The following ERMP1 variants were observed in gnomAD, a reference collection of about 807,000 sequenced individuals.
The protein encoded by ERMP1 is endoplasmic reticulum metallopeptidase 1.
Under a neutral mutation model 92.0 loss-of-function variants are expected in ERMP1, and 86 were observed. The ratio of observed to expected loss-of-function variants is 0.93; its 90% confidence interval spans 0.79 to 1.12. The LOEUF is 1.12. Ranked by LOEUF, ERMP1 falls within the 50% of genes most tolerant of loss-of-function variation. The pLI is 0.00. For synonymous variants in ERMP1, 530 were observed against 412.8 expected (o/e 1.28, Z -3.44); for missense variants, 1,342 against 1,116.3 (o/e 1.20, Z -2.88).
intron 4 of ERMP1, among the ~76,000 whole-genome samples, chr9:5,818,988 C>G (rs1201558553): frequency 2.0e-5 from 3 of 152,106 alleles, no homozygotes; most frequent in African/African-American, 7.2e-5. Flanking sequence ...TGCATTTATT[C>G]TCAAATAAAA....
At chr9:5,845,238 A>G (rs1158151886) in intron 6 of ERMP1, among the ~76,000 whole-genome samples, 3 of 151,202 alleles carry the variant, frequency 2.0e-5, no homozygotes, top group African/African-American at 7.3e-5. Context: ...TGTGACTCTG[A>G]GAGGATTTGA....
At chr9:5,809,021 T>C (rs1398622404) in intron 8 of ERMP1, among the ~76,000 whole-genome samples, 1 of 150,684 alleles carries the variant, frequency 6.6e-6, no homozygotes, top group African/African-American at 2.5e-5. Context: ...ACCCAGCCCA[T>C]AGCCCTAATT....
rs1486166289 is a variant in ERMP1 at position 5,784,597 on chromosome 9, C to CTGTTCAGTA, written c.*2546_*2547insTACTGAACA. The CTGTTCAGTA allele has an allele frequency of 1.3e-5, 2 of 152,586 alleles. No individual in the cohort carries two copies. Among genetic ancestry groups the CTGTTCAGTA allele is most frequent in the East Asian group, 3.9e-4 (2 of 5,190 alleles). The allele number at this position is 152,586 out of a possible 1,614,324, so 9.5% of individuals were successfully genotyped here. A position where few individuals can be genotyped will look rare whatever the true frequency, so the allele number is the denominator to read the frequency against. On this transcript the variant is annotated 3_prime_UTR_variant, in exon 15 of 15. Transcript: ENST00000339450. The stretch of plus-strand genomic sequence containing the variant: ...TATATTAAACAGTTTATTTCAGTAA[C>CTGTTCAGTA]ATTGTAAGGCAACAATTAATCCTCA...
chr9:5,839,370 T>A (rs1394677442), intron 6 of ERMP1, among the ~76,000 whole-genome samples: 1 of 152,192 alleles, frequency 6.6e-6, no homozygotes, highest in East Asian at 1.9e-4. Flanking sequence ...GAAGAACCCA[T>A]GAACCCGGAA....
intron 3 of ERMP1, 33 bp from the exon 4 acceptor site, chr9:5,824,034 T>C: frequency 6.6e-7 from 1 of 1,524,794 alleles, no homozygotes. Flanking sequence ...AAATATTTGT[T>C]AAACAATCTT....
chr9:5,805,792 G>C lies in ERMP1; in HGVS notation c.1549-7C>G. ...GATACTGGGCACTGGCATTCTGAAA[G>C]AAAGAAAAATATACAAGTAGTCTCA... On this transcript the variant is annotated splice_region_variant and splice_polypyrimidine_tract_variant and intron_variant, in intron 8 of 14. Coordinates refer to ENST00000339450, the MANE Select transcript of ERMP1 (RefSeq NM_024896.3). 6.3e-7 allele frequency: 1 copy of C among 1,586,288 alleles called. No individual in the cohort carries two copies. The highest frequency in any genetic ancestry group is 8.5e-7 in the Non-Finnish European group (1 of 1,170,056).
chr9:5,861,170 G>GGTGTGTGTGTGTGTGTGTGT (rs35593711), intron 5 of ERMP1, among the ~76,000 whole-genome samples: 2 of 102,078 alleles, frequency 2.0e-5, no homozygotes, highest in African/African-American at 3.6e-5. Context: ...TGGCTTAGGG[G>GGTGTGTGTGTGTGTGTGTGT]GTGTGTGTGT....
intron 13 of ERMP1, among the ~76,000 whole-genome samples, chr9:5,795,840 A>G (rs1828403633): frequency 6.6e-6 from 1 of 152,106 alleles, no homozygotes; most frequent in South Asian, 2.1e-4. Context: ...AACAAAAACA[A>G]AAACAAAAAC....
chr9:5,835,639 G>A (rs150197602), upstream of ERMP1, among the ~76,000 whole-genome samples: 143 of 152,272 alleles, frequency 9.4e-4, no homozygotes, highest in African/African-American at 3.4e-3. Context: ...AGGAGCCCTG[G>A]TAGATGTGAG....
At chr9:5,865,289 G>A (rs1346453962) in intron 5 of ERMP1, among the ~76,000 whole-genome samples, 1 of 147,700 alleles carries the variant, frequency 6.8e-6, no homozygotes, top group Non-Finnish European at 1.5e-5. Context: ...GGTGGATCAC[G>A]AGGTCAGGAG....
rs1182208588 is a variant in ERMP1, at chr9:5,810,156, A to C, written c.1403T>G (p.Val468Gly). 2 of 1,614,104 alleles carry C rather than the reference A, an allele frequency of 1.2e-6. No homozygotes were observed. The highest frequency in any genetic ancestry group is 1.1e-5 in the South Asian group (1 of 91,078). The change falls in exon 8 of 15, where the codon GTT becomes GGT. Residue 468 changes from valine to glycine, a missense_variant. Transcript: ENST00000339450. ...LISWFTSLVT[V>G]LIIAVFISLI... ...AGAGATGAACACTGCTATAATGAGAACGGTAACAAGGCTAGTGAACCAGCT... is the reference window on the plus strand; with the variant it reads ...AGAGATGAACACTGCTATAATGAGACCGGTAACAAGGCTAGTGAACCAGCT...
intron 6 of ERMP1, among the ~76,000 whole-genome samples, chr9:5,838,417 T>G (rs1348032848): frequency 1.3e-5 from 2 of 151,924 alleles, no homozygotes; most frequent in African/African-American, 4.8e-5. Context: ...TGGTGGTGCA[T>G]GTCTATACTC....
At chr9:5,864,105 C>G (rs759526899) in intron 5 of ERMP1, among the ~76,000 whole-genome samples, 1 of 152,230 alleles carries the variant, frequency 6.6e-6, no homozygotes, top group African/African-American at 2.4e-5. Flanking sequence ...CACATTTTCA[C>G]TAGTCATGAA....
chr9:5,801,506 T>C (rs533602562), intron 10 of ERMP1, among the ~76,000 whole-genome samples, 178 bp from the exon 11 acceptor site: 5 of 152,274 alleles, frequency 3.3e-5, no homozygotes, highest in East Asian at 3.9e-4. Context: ...GAGATTTCCA[T>C]TGCAGGTGAG....
intron 13 of ERMP1, among the ~76,000 whole-genome samples, chr9:5,793,370 G>A (rs1828283873): frequency 6.6e-6 from 1 of 151,794 alleles, no homozygotes; most frequent in Non-Finnish European, 1.5e-5. Context: ...GAAAAAGAGT[G>A]GAAGACAAAA....
At chr9:5,856,956 T>C (rs1344981395) in intron 6 of ERMP1, among the ~76,000 whole-genome samples, 1 of 152,192 alleles carries the variant, frequency 6.6e-6, no homozygotes, top group African/African-American at 2.4e-5. Flanking sequence ...GGGGCCATTT[T>C]AAACATTGAA....
At chr9:5,803,925 G>C (rs1828770575) in intron 10 of ERMP1, among the ~76,000 whole-genome samples, 1 of 152,028 alleles carries the variant, frequency 6.6e-6, no homozygotes, top group Admixed American at 6.6e-5. Context: ...ATATGCATAA[G>C]AATTACTCTA....
chr9:5,851,859 A>G (rs1259021332), intron 6 of ERMP1, among the ~76,000 whole-genome samples: 2 of 152,250 alleles, frequency 1.3e-5, no homozygotes, highest in Non-Finnish European at 2.9e-5. Context: ...ATATTACTTA[A>G]CGAATGGCTT....
chr9:5,811,275 A>G lies in ERMP1; in HGVS notation c.1163T>C (p.Leu388Pro), dbSNP rs1436868542. The change falls in exon 7 of 15, where the codon CTG becomes CCG. Residue 388 changes from leucine (L) to proline (P), a missense_variant. Transcript: ENST00000339450. ...ATGTCGATACTTAGAAGCAGCAGCC[A>G]GCATATCAGATGTAGCTAGATGCTT... ...VLKHLATSDM[L>P]AAASKYRHGN... 1 of 1,614,058 alleles carries G rather than the reference A, an allele frequency of 6.2e-7. No homozygotes were observed. Among genetic ancestry groups the G allele is most frequent in the Admixed American group, 1.7e-5 (1 of 60,022 alleles).
Sources: allele counts gnomAD v4.1 joint callset (sites outside exome capture counted in the v4.1 genomes callset), GRCh38; gene constraint gnomAD v4.1.1; transcripts MANE v1.5; gene names NCBI Gene and HGNC (gene_info 2026-07-23, HGNC 2026-07-21).